ZC3H4: variants seen among roughly 807,000 people sequenced by gnomAD.
ZC3H4 encodes zinc finger CCCH-type containing 4.
A neutral mutation model predicts 108.3 loss-of-function variants in ZC3H4; 13 were observed. The observed-to-expected ratio is 0.12, with a 90% CI of 0.08 to 0.19. The LOEUF (loss-of-function observed/expected upper bound fraction) is 0.19, where lower values mean the gene tolerates loss of function less well. Among genes scored for constraint, ZC3H4 ranks in the 10% least tolerant of loss-of-function variants. ZC3H4 has a pLI of 1.00. For synonymous variants in ZC3H4, 917 were observed against 749.6 expected (o/e 1.22, Z -3.65); for missense variants, 1,734 against 1,838.8 (o/e 0.94, Z 1.04).
At position 47,085,330 on chromosome 19, in the gene ZC3H4, T is replaced by C. The variant is rs780218557; in HGVS notation, c.955A>G (p.Ser319Gly). The change falls in exon 7 of 15, where the codon AGC becomes GGC. Residue 319 changes from serine (S) to glycine (G), a missense_variant. Physicochemically the swap from Ser to Gly is moderately conservative, Grantham distance 56 (BLOSUM62 0). Transcript: ENST00000253048. ...ELNQYRRSKD[S>G]RGRGLSRGRG... ...GGCCCCTGCCCACCTCGGCCTCGGC[T>C]GTCCTTGGAGCGGCGGTACTGGTTC... 4.1e-5 allele frequency: 65 copies of C among 1,597,934 alleles called. No homozygotes were observed. The highest frequency in any genetic ancestry group is 5.4e-5 in the Non-Finnish European group (63 of 1,173,174).
chr19:47,085,525 T>C (rs2057604259), intron 6 of ZC3H4, 111 bp from the exon 7 acceptor site: 2 of 967,694 alleles, frequency 2.1e-6, no homozygotes, highest in East Asian at 5.0e-5. Flanking sequence ...AGGGGACTCA[T>C]ACCATAACCC....
At chr19:47,093,640 T>G (rs1465058586) in intron 4 of ZC3H4, 4 of 193,604 alleles carry the variant, frequency 2.1e-5, no homozygotes, top group Non-Finnish European at 3.2e-5. Flanking sequence ...TCACCCAGGC[T>G]AGAGTACAGT....
Position 47,066,704 on chromosome 19 carries a change from G to A in ZC3H4, c.3564C>T (p.Pro1188=). 6.2e-7 allele frequency: 1 copy of A among 1,609,234 alleles called. No individual in the cohort carries two copies. Among genetic ancestry groups the A allele is most frequent in the Non-Finnish European group, 8.5e-7 (1 of 1,178,790 alleles). The change falls in exon 15 of 15, where the codon CCC becomes CCT. Residue 1188 remains proline (P), a synonymous_variant. Transcript: ENST00000253048. ...CCAGGGCAGACTTGCGGACGAACGG[G>A]GGCTCCTTAGCCTTGGAGGCCGAGC... ...GKSSASKAKE[P]PFVRKSALEQ...
chr19:47,066,640 T>C lies in ZC3H4; in HGVS notation c.3628A>G (p.Thr1210Ala). The C allele has an allele frequency of 1.2e-6, 2 of 1,611,716 alleles. No individual in the cohort carries two copies. Among genetic ancestry groups the C allele is most frequent in the South Asian group, 1.1e-5 (1 of 90,802 alleles). The change falls in exon 15 of 15, where the codon ACC becomes GCC. Residue 1210 changes from threonine (T) to alanine (A), a missense_variant. Around this residue, in one of 9 missense-constraint regions of ZC3H4, gnomAD observed 518 missense variants for 499.6 expected, o/e 1.04. Coordinates refer to ENST00000253048, the MANE Select transcript of ZC3H4 (RefSeq NM_015168.2). ...TAGCTGTTGTATCTGTCCGTGGGGGTGCCCCCATCAGCACCGGCCTTCCCT... is the reference window on the plus strand; with the variant it reads ...TAGCTGTTGTATCTGTCCGTGGGGGCGCCCCCATCAGCACCGGCCTTCCCT... ...ETGKAGADGG[T>A]PTDRYNSYNR...
In ZC3H4 at chr19:47,094,696, G is replaced by A. The variant is rs372372684; in HGVS notation, c.162-88C>T. On this transcript the variant is annotated intron_variant, in intron 2 of 14. Transcript: ENST00000253048. ...GGGCTGGCCAAGGCTGACAGGAACC[G>A]AAGGCCTGACTGCTGTGAGCGAAGT... The A allele has an allele frequency of 5.4e-5, 75 of 1,391,936 alleles. No individual in the cohort carries two copies. The African/African-American group carries it at 7.6e-4, about 14-fold the overall frequency. The allele number at this position is 1,391,936 out of a possible 1,614,324, so 86.2% of individuals were successfully genotyped here.
intron 2 of ZC3H4, among the ~76,000 whole-genome samples, chr19:47,110,441 CTG>C (rs1323400285): frequency 5.9e-5 from 9 of 152,182 alleles, no homozygotes; most frequent in African/African-American, 1.9e-4. Context: ...TCTGAGAAAA[CTG>C]TGTACGTCAA....
chr19:47,095,425 C>T (rs1002661092), intron 2 of ZC3H4, among the ~76,000 whole-genome samples: 4 of 152,170 alleles, frequency 2.6e-5, no homozygotes, highest in Admixed American at 1.3e-4. Flanking sequence ...GGAGGGGGGA[C>T]GGATCCCAGG....
Position 47,090,193 on chromosome 19 carries a change from C to A in ZC3H4, c.493-4G>T, listed in dbSNP as rs376987186. 7 of 1,613,882 alleles carry A rather than the reference C, an allele frequency of 4.3e-6. No individual in the cohort carries two copies. Among genetic ancestry groups the A allele is most frequent in the South Asian group, 1.1e-5 (1 of 91,080 alleles). ...ATGGGGGGTACTGCTGGTGGGACTGCGTCCCAGAGATGGGGAAAAGAGGTG... is the reference window on the plus strand; with the variant it reads ...ATGGGGGGTACTGCTGGTGGGACTGAGTCCCAGAGATGGGGAAAAGAGGTG... On this transcript the variant is annotated splice_polypyrimidine_tract_variant and splice_region_variant and intron_variant, in intron 4 of 14. Transcript: ENST00000253048.
intron 1 of ZC3H4, among the ~76,000 whole-genome samples, chr19:47,113,064 C>G (rs1307276993): frequency 6.6e-6 from 1 of 152,260 alleles, no homozygotes; most frequent in Admixed American, 6.5e-5. Context: ...CTCTGCCCGC[C>G]CTGGGTGCCC....
In ZC3H4 at chr19:47,105,666, C is replaced by T. The variant is rs201739135; in HGVS notation, c.161+6758G>A. On this transcript the variant is annotated intron_variant, in intron 2 of 14. Transcript: ENST00000253048. ...CAGGCTGGGTGGGCTGGCTTTGGCCCGAGAATCATAGTTTGCCGACCCCTA... is the reference window on the plus strand; with the variant it reads ...CAGGCTGGGTGGGCTGGCTTTGGCCTGAGAATCATAGTTTGCCGACCCCTA... 3.8e-4 allele frequency among the ~76,000 whole-genome samples: 58 copies of T among 152,242 alleles called. No homozygotes were observed. In the East Asian group the frequency reaches 7.3e-3, roughly 19 times the overall value.
At chr19:47,099,312 A>G (rs916572467) in intron 2 of ZC3H4, among the ~76,000 whole-genome samples, 25 of 152,142 alleles carry the variant, frequency 1.6e-4, no homozygotes, top group African/African-American at 5.3e-4. Flanking sequence ...ATACAAAATT[A>G]GTCGGGCTTG....
intron 2 of ZC3H4, 66 bp downstream of exon 2, chr19:47,112,358 C>A: frequency 8.2e-7 from 1 of 1,222,778 alleles, no homozygotes; most frequent in Admixed American, 4.2e-5. Context: ...ATGGCGGCCG[C>A]CCCCCTTCCT....
Position 47,071,951 on chromosome 19 carries a change from A to T in ZC3H4, c.1973T>A (p.Met658Lys). 3 of 1,613,242 alleles carry T rather than the reference A, an allele frequency of 1.9e-6. No individual in the cohort carries two copies. The highest frequency in any genetic ancestry group is 2.5e-6 in the Non-Finnish European group (3 of 1,179,616). The part of the protein sequence containing the change: ...MHADMPMGPG[M>K]NPGPPMGPGG... ...AGGGCCCATGGGTGGGCCAGGATTC[A>T]TGCCAGGGCCCATCGGCATGTCTGC... is the stretch of plus-strand genomic sequence containing the variant. The change falls in exon 13 of 15, where the codon ATG becomes AAG. Residue 658 changes from methionine (M) to lysine (K), a missense_variant. Transcript: ENST00000253048.
intron 11 of ZC3H4, among the ~76,000 whole-genome samples, chr19:47,075,290 G>A (rs1035770696): frequency 1.3e-5 from 2 of 152,160 alleles, no homozygotes; most frequent in South Asian, 4.1e-4. Flanking sequence ...CCCTTTGAGC[G>A]TGGGCACCAC....
Position 47,085,329 on chromosome 19 carries a change from C to A in ZC3H4, c.956G>T (p.Ser319Ile). The A allele has an allele frequency of 1.3e-6, 2 of 1,599,938 alleles. No individual in the cohort carries two copies. Among genetic ancestry groups the A allele is most frequent in the South Asian group, 1.1e-5 (1 of 89,126 alleles). The change falls in exon 7 of 15, where the codon AGC becomes ATC. Residue 319 changes from serine to isoleucine, a missense_variant. This residue lies in a region of ZC3H4 where 403 missense variants were observed against 457.0 expected (regional missense o/e 0.88). Coordinates refer to ENST00000253048, the MANE Select transcript of ZC3H4 (RefSeq NM_015168.2). Reference sequence around the variant, plus strand: ...AGGCCCCTGCCCACCTCGGCCTCGGCTGTCCTTGGAGCGGCGGTACTGGTT... The same window carrying A: ...AGGCCCCTGCCCACCTCGGCCTCGGATGTCCTTGGAGCGGCGGTACTGGTT... ...ELNQYRRSKDSRGRGLSRGRG... is the reference protein window; with the variant it reads ...ELNQYRRSKDIRGRGLSRGRG...
intron 2 of ZC3H4, among the ~76,000 whole-genome samples, chr19:47,104,348 G>T (rs753740401): frequency 6.6e-6 from 1 of 152,070 alleles, no homozygotes; most frequent in Non-Finnish European, 1.5e-5. Flanking sequence ...TTCTTAAAAA[G>T]AACTGATACA....
chr19:47,110,253 C>CAT (rs1185551328), intron 2 of ZC3H4, among the ~76,000 whole-genome samples: 1 of 152,092 alleles, frequency 6.6e-6, no homozygotes, highest in African/African-American at 2.4e-5. Context: ...ATACCTGCAT[C>CAT]ATAAATCAAA....
Position 47,066,816 on chromosome 19 carries a change from G to A in ZC3H4, c.3452C>T (p.Pro1151Leu), listed in dbSNP as rs1324759519. ...SVLSGISLYD[P>L]RTPNAGGKAT... ...TTTGCCCCCCGCGTTGGGAGTCCTC[G>A]GGTCGTAGAGGCTGATACCGCTCAG... The change falls in exon 15 of 15, where the codon CCG (proline) becomes CTG (leucine). Residue 1151 changes from proline to leucine, a missense_variant. By Grantham distance (98) the Pro-to-Leu change is moderately conservative. Coordinates refer to ENST00000253048, the MANE Select transcript of ZC3H4 (RefSeq NM_015168.2). The A allele has an allele frequency of 1.9e-6, 3 of 1,600,048 alleles. No homozygotes were observed. The highest frequency in any genetic ancestry group is 1.7e-5 in the Admixed American group (1 of 59,730).
intron 2 of ZC3H4, chr19:47,110,910 G>T (rs2058030445): frequency 1.0e-6 from 1 of 985,166 alleles, no homozygotes; most frequent in Non-Finnish European, 1.2e-6. Flanking sequence ...TGCTGCACTT[G>T]TGTCTCTGAA....
Sources: gnomAD v4.1 joint callset for allele counts (sites outside exome capture counted in the v4.1 genomes callset) on GRCh38, gnomAD v4.1.1 for gene constraint, gnomAD v4.1.1 regional missense constraint, MANE v1.5 for transcripts, NCBI Gene and HGNC (gene_info 2026-07-23, HGNC 2026-07-21) for gene names.